Variants in CREB5 observed in about 807,000 individuals in gnomAD.
CREB5 encodes cyclic AMP-responsive element-binding protein 5.
CREB5 carries 19 observed loss-of-function variants against 57.1 expected under a neutral mutation model. The ratio of observed to expected loss-of-function variants is 0.33; its 90% confidence interval spans 0.23 to 0.49. The LOEUF is 0.49. Ranked by LOEUF, CREB5 falls within the 20% of genes least tolerant of loss-of-function variation. CREB5 has a pLI of 0.99. For synonymous variants in CREB5, 238 were observed against 238.3 expected (o/e 1.00, Z 0.01); for missense variants, 579 against 671.6 (o/e 0.86, Z 1.52).
chr7:28,484,856 T>C (rs1791490105), intron 1 of CREB5, among the ~76,000 whole-genome samples: 1 of 152,210 alleles, frequency 6.6e-6, no homozygotes, highest in Non-Finnish European at 1.5e-5. Context: ...CATATTCCTC[T>C]AAACATATCA....
chr7:28,316,440 G>T (rs1785382434), intron 1 of CREB5, among the ~76,000 whole-genome samples: 1 of 152,074 alleles, frequency 6.6e-6, no homozygotes, highest in Non-Finnish European at 1.5e-5. Context: ...TTTAAATTGG[G>T]AGCAAAAAGG....
chr7:28,639,776 C>T (rs1311659175), intron 5 of CREB5, among the ~76,000 whole-genome samples: 2 of 152,278 alleles, frequency 1.3e-5, no homozygotes, highest in Admixed American at 6.5e-5. Context: ...TTGTTATCAA[C>T]GAGGTTCCTT....
intron 7 of CREB5, among the ~76,000 whole-genome samples, chr7:28,746,733 T>G (rs1804700703): frequency 6.6e-6 from 1 of 152,250 alleles, no homozygotes; most frequent in African/African-American, 2.4e-5. Context: ...TAATGAAGCT[T>G]AATTGATTAG....
chr7:28,545,848 C>T (rs1456562900), intron 4 of CREB5, among the ~76,000 whole-genome samples: 2 of 152,012 alleles, frequency 1.3e-5, no homozygotes, highest in Non-Finnish European at 2.9e-5. Context: ...TGGTATTGTG[C>T]GTTTCTTGTG....
chr7:28,404,407 CTCAG>C (rs1787535797), intron 1 of CREB5, among the ~76,000 whole-genome samples: 1 of 152,154 alleles, frequency 6.6e-6, no homozygotes, highest in African/African-American at 2.4e-5. Context: ...TCCCATCCCA[CTCAG>C]TCAGAGAGAT....
intron 5 of CREB5, among the ~76,000 whole-genome samples, chr7:28,702,094 A>G (rs759750604): frequency 6.6e-6 from 1 of 152,192 alleles, no homozygotes; most frequent in Non-Finnish European, 1.5e-5. Flanking sequence ...TTTGAGTAAT[A>G]TAACAGAAGG....
chr7:28,773,589 C>T (rs1806457128), intron 7 of CREB5, among the ~76,000 whole-genome samples: 2 of 152,118 alleles, frequency 1.3e-5, no homozygotes, highest in Non-Finnish European at 2.9e-5. Flanking sequence ...AGCAGCCATA[C>T]GTGATACCTG....
chr7:28,538,886 C>T (rs527991718), intron 4 of CREB5, among the ~76,000 whole-genome samples: 29 of 152,328 alleles, frequency 1.9e-4, no homozygotes, highest in African/African-American at 7.0e-4. Flanking sequence ...CAAGTCCAAA[C>T]ATTTAGGTAT....
intron 7 of CREB5, among the ~76,000 whole-genome samples, chr7:28,799,682 C>T (rs768010885): frequency 3.9e-5 from 6 of 152,122 alleles, no homozygotes; most frequent in African/African-American, 9.7e-5. Context: ...TTTTCCTTGC[C>T]ACGTTTTCAA....
chr7:28,673,403 A>G lies in CREB5; in HGVS notation c.465-45350A>G, dbSNP rs186268583. 1.8e-3 allele frequency among the ~76,000 whole-genome samples: 280 copies of G among 152,284 alleles called. 1 individual carries two copies. Among genetic ancestry groups the G allele is most frequent in the African/African-American group, 6.1e-3 (255 of 41,564 alleles). ...TCTTAGAACCCGCTGGGCAGCCCAC[A>G]TTCCCAAACTGCCCTGGGACCCTCT... On this transcript the variant is annotated intron_variant, in intron 5 of 10. Transcript: ENST00000357727.
chr7:28,393,572 C>T lies in CREB5; in HGVS notation c.-25+94131C>T, dbSNP rs920394797. Among the ~76,000 whole-genome samples, 6 of 152,182 alleles carry T rather than the reference C, an allele frequency of 3.9e-5. No homozygotes were observed. The South Asian group carries it at 1.0e-3, about 26-fold the overall frequency. On this transcript the variant is annotated intron_variant, in intron 1 of 9. Coordinates refer to the CREB5 transcript ENST00000396299. ...CTAGTCTGACATAAAAAGAGCTTGG[C>T]AGTCAACACTGCCATCTTCTTAACT... is the stretch of plus-strand genomic sequence containing the variant.
rs1342485250 is a variant in CREB5 at position 28,560,849 on chromosome 7, T to TGCATGCGC, written c.292-9515_292-9514insCATGCGCG. 3.4e-5 allele frequency among the ~76,000 whole-genome samples: 3 copies of TGCATGCGC among 87,052 alleles called. 1 individual carries two copies. Among genetic ancestry groups the TGCATGCGC allele is most frequent in the Admixed American group, 2.1e-4 (2 of 9,700 alleles). 57.1% of individuals were successfully genotyped at this position (87,052 alleles called of 152,430 possible). A position where few individuals can be genotyped will look rare whatever the true frequency, so the allele number is the denominator to read the frequency against. ...GCGCGCGCGCGTGTGTGTGTGCGCG[T>TGCATGCGC]GTGTGTGTGCGTGTGCCTGCGTGCG... is the stretch of plus-strand genomic sequence containing the variant. On this transcript the variant is annotated intron_variant, in intron 4 of 10. Transcript: ENST00000357727.
intron 1 of CREB5, among the ~76,000 whole-genome samples, chr7:28,442,921 C>G (rs1191467475): frequency 6.6e-6 from 1 of 152,154 alleles, no homozygotes; most frequent in Non-Finnish European, 1.5e-5. Context: ...TACAGACATT[C>G]AAAGATCATT....
rs796910262 is a variant in CREB5, at chr7:28,306,546, G to GT, written c.-25+7113dup. 8.4e-4 allele frequency among the ~76,000 whole-genome samples: 79 copies of GT among 93,514 alleles called. 2 individuals are homozygous for GT. The highest frequency in any genetic ancestry group is 1.5e-3 in the South Asian group (4 of 2,652). The allele number at this position is 93,514 out of a possible 152,430, so 61.3% of individuals were successfully genotyped here. ...TGCCAGTACATACAGATACAGTTTT[G>GT]TTTTTTTTGTTTTTTTTTTTTTTTT... On this transcript the variant is annotated intron_variant, in intron 1 of 9. Coordinates refer to the CREB5 transcript ENST00000396299.
chr7:28,721,636 A>G (rs1803036722), intron 6 of CREB5, among the ~76,000 whole-genome samples: 1 of 152,172 alleles, frequency 6.6e-6, no homozygotes, highest in African/African-American at 2.4e-5. Flanking sequence ...TAGGTGTAAA[A>G]CAAAATGATG....
rs1291662413 is a variant in CREB5 at position 28,704,496 on chromosome 7, C to T, written c.465-14257C>T. ...GATCTCTCACTTTTTTTTTTTAAGA[C>T]AGAGTCTCTGTTTCTGCAGTGACAC... On this transcript the variant is annotated intron_variant, in intron 5 of 10. Transcript: ENST00000357727. Among the ~76,000 whole-genome samples the T allele has an allele frequency of 8.6e-5, 13 of 151,450 alleles. No homozygotes were observed. In the East Asian group the frequency reaches 1.7e-3, roughly 20 times the overall value.
chr7:28,495,129 G>T, intron 3 of CREB5, 130 bp downstream of exon 3: 1 of 535,038 alleles, frequency 1.9e-6, no homozygotes. Context: ...CTAAGGTATA[G>T]CAGAAATATA....
chr7:28,312,966 C>T (rs560457946), intron 1 of CREB5, among the ~76,000 whole-genome samples: 3 of 152,280 alleles, frequency 2.0e-5, no homozygotes, highest in South Asian at 2.1e-4. Context: ...CCATCCAGTT[C>T]AATCTCCTAT....
At chr7:28,796,782 C>T (rs1006609442) in intron 7 of CREB5, among the ~76,000 whole-genome samples, 13 of 152,136 alleles carry the variant, frequency 8.5e-5, no homozygotes, top group Non-Finnish European at 1.6e-4. Context: ...AGAATCATGC[C>T]CTCCTTTGTT....
Sources: gnomAD v4.1 joint callset for allele counts (sites outside exome capture counted in the v4.1 genomes callset) on GRCh38, gnomAD v4.1.1 for gene constraint, MANE v1.5 for transcripts, NCBI Gene and HGNC (gene_info 2026-07-23, HGNC 2026-07-21) for gene names.